The following ADAMTSL3 variants were observed in gnomAD, a reference collection of about 807,000 sequenced individuals.
ADAMTSL3 encodes ADAMTS like 3.
Under a neutral mutation model 201.7 loss-of-function variants are expected in ADAMTSL3, and 128 were observed. The observed-to-expected ratio is 0.63, with a 90% CI of 0.55 to 0.73. The LOEUF (loss-of-function observed/expected upper bound fraction) is 0.73. Ranked by LOEUF, ADAMTSL3 falls within the 30% of genes least tolerant of loss-of-function variation. ADAMTSL3 has a pLI of 0.00. For synonymous variants in ADAMTSL3, 738 were observed against 748.4 expected, an observed-to-expected ratio of 0.99 and a Z score of 0.23; for missense variants, 1,990 against 2,119.6, an observed-to-expected ratio of 0.94 and a Z score of 1.20.
intron 5 of ADAMTSL3, among the ~76,000 whole-genome samples, chr15:83,815,017 C>T (rs913019500): frequency 2.0e-5 from 3 of 152,094 alleles, no homozygotes; most frequent in African/African-American, 7.2e-5. Flanking sequence ...GAAATGGGTG[C>T]CTTTTGTCAT....
At chr15:83,670,515 A>G (rs931609621) in intron 2 of ADAMTSL3, among the ~76,000 whole-genome samples, 10 of 152,118 alleles carry the variant, frequency 6.6e-5, no homozygotes, top group African/African-American at 1.7e-4. Context: ...ACATATGCAC[A>G]CGTATGTTTT....
At chr15:83,826,654 TC>T (rs1432132580) in intron 6 of ADAMTSL3, among the ~76,000 whole-genome samples, 5 of 107,558 alleles carry the variant, frequency 4.6e-5, no homozygotes, top group African/African-American at 1.5e-4. Flanking sequence ...ATGCTATCCC[TC>T]CCCCCTCCCC....
At chr15:84,016,642 C>T (rs2068091963) in intron 25 of ADAMTSL3, 143 bp downstream of exon 25, 1 of 692,352 alleles carries the variant, frequency 1.4e-6, no homozygotes. Flanking sequence ...TCTTGACCCT[C>T]AGTCTTTAGT....
At chr15:83,892,596 A>G in intron 12 of ADAMTSL3, 88 bp from the exon 13 acceptor site, 1 of 1,289,758 alleles carries the variant, frequency 7.8e-7, no homozygotes, top group South Asian at 1.4e-5. Context: ...CACAATTGAT[A>G]CCTTAAGGCC....
chr15:83,974,969 C>T (rs982700662), intron 20 of ADAMTSL3, among the ~76,000 whole-genome samples: 1 of 148,042 alleles, frequency 6.8e-6, no homozygotes, highest in African/African-American at 2.5e-5. Context: ...CCTGTGGTCT[C>T]TCTCCTTGTA....
intron 25 of ADAMTSL3, among the ~76,000 whole-genome samples, chr15:84,019,412 A>T (rs2068153951): frequency 6.6e-6 from 1 of 152,192 alleles, no homozygotes; most frequent in Non-Finnish European, 1.5e-5. Context: ...CCCGAAAAAA[A>T]AAATGTTCAC....
intron 27 of ADAMTSL3, among the ~76,000 whole-genome samples, chr15:84,029,064 A>G (rs2068358191): frequency 6.6e-6 from 1 of 152,196 alleles, no homozygotes; most frequent in African/African-American, 2.4e-5. Context: ...AGTCTCAGGT[A>G]TTTCTTTATA....
At chr15:83,949,110 C>A (rs1169270938) in intron 19 of ADAMTSL3, among the ~76,000 whole-genome samples, 3 of 152,058 alleles carry the variant, frequency 2.0e-5, no homozygotes, top group African/African-American at 7.2e-5. Context: ...CTTACTGATT[C>A]TTTCTAACTA....
chr15:83,722,349 G>A (rs944100121), intron 3 of ADAMTSL3, among the ~76,000 whole-genome samples: 1 of 152,198 alleles, frequency 6.6e-6, no homozygotes, highest in Non-Finnish European at 1.5e-5. Flanking sequence ...TTCAGTCAGT[G>A]CTATAAGACA....
At chr15:83,841,665 G>A (rs1473741644) in intron 7 of ADAMTSL3, among the ~76,000 whole-genome samples, 5 of 152,006 alleles carry the variant, frequency 3.3e-5, no homozygotes, top group Non-Finnish European at 7.4e-5. Flanking sequence ...CGGGAGGGGG[G>A]GCAGGAAATT....
At chr15:83,712,672 TG>T (rs1291706347) in intron 3 of ADAMTSL3, among the ~76,000 whole-genome samples, 2 of 152,210 alleles carry the variant, frequency 1.3e-5, no homozygotes, top group African/African-American at 4.8e-5. Flanking sequence ...CTCCTGTCCC[TG>T]GGGTCAGCAG....
chr15:83,755,477 G>C (rs1567122663), intron 3 of ADAMTSL3, among the ~76,000 whole-genome samples: 1 of 151,996 alleles, frequency 6.6e-6, no homozygotes, highest in Non-Finnish European at 1.5e-5. Context: ...CTGTGAATTT[G>C]ACTACCCTAG....
chr15:83,722,313 G>A (rs2062112816), intron 3 of ADAMTSL3, among the ~76,000 whole-genome samples: 1 of 152,166 alleles, frequency 6.6e-6, no homozygotes, highest in African/African-American at 2.4e-5. Context: ...ACAAAAGAGA[G>A]AAGACATCAA....
intron 6 of ADAMTSL3, among the ~76,000 whole-genome samples, chr15:83,837,393 C>T (rs1489730430): frequency 6.6e-6 from 1 of 151,030 alleles, no homozygotes; most frequent in Non-Finnish European, 1.5e-5. Flanking sequence ...AAATTTAGGA[C>T]AGTGGTTGTT....
Position 83,983,085 on chromosome 15 carries a change from G to A in ADAMTSL3, c.3457G>A (p.Gly1153Arg), listed in dbSNP as rs770821847. The change falls in exon 21 of 30, where the codon GGG (glycine) becomes AGG (arginine). Residue 1153 changes from glycine to arginine, a missense_variant. Physicochemically the swap from Gly to Arg is moderately radical, Grantham distance 125. Transcript: ENST00000286744. ...GACACCTCCTGCTGCTCAGCTCAGA[G>A]GGGAAACAGGGAGTGTGTCCCAAAG... The part of the protein sequence containing the change: ...EETPPAAQLR[G>R]ETGSVSQSSH... The A allele has an allele frequency of 1.2e-6, 2 of 1,614,104 alleles. No homozygotes were observed. Among genetic ancestry groups the A allele is most frequent in the South Asian group, 1.1e-5 (1 of 91,074 alleles).
intron 2 of ADAMTSL3, among the ~76,000 whole-genome samples, chr15:83,660,376 G>T (rs1163274127): frequency 6.6e-6 from 1 of 152,144 alleles, no homozygotes; most frequent in Admixed American, 6.5e-5. Context: ...GTAGTCCTGG[G>T]TCAGGGTTCA....
chr15:83,734,220 T>C (rs947747491), intron 3 of ADAMTSL3, among the ~76,000 whole-genome samples: 4 of 152,304 alleles, frequency 2.6e-5, no homozygotes, highest in Admixed American at 1.3e-4. Flanking sequence ...GAAAAGTCTT[T>C]AGCATTTAAC....
intron 4 of ADAMTSL3, among the ~76,000 whole-genome samples, chr15:83,786,134 A>G (rs187241935): frequency 4.7e-4 from 71 of 152,150 alleles, no homozygotes; most frequent in African/African-American, 1.5e-3. Flanking sequence ...GCACCACCAC[A>G]TCCACCTAAT....
chr15:83,790,454 CTAAT>C (rs2063327963), intron 4 of ADAMTSL3, among the ~76,000 whole-genome samples: 1 of 151,308 alleles, frequency 6.6e-6, no homozygotes, highest in Admixed American at 6.6e-5. Context: ...TGTAATCTAG[CTAAT>C]TAATAGACTA....
Sources: allele counts gnomAD v4.1 joint callset (sites outside exome capture counted in the v4.1 genomes callset), GRCh38; gene constraint gnomAD v4.1.1; transcripts MANE v1.5; gene names NCBI Gene and HGNC (gene_info 2026-07-23, HGNC 2026-07-21).